FOXN3: variants seen among roughly 807,000 people sequenced by gnomAD.
FOXN3 encodes the protein forkhead box N3.
In FOXN3, 7 loss-of-function variants were observed where a neutral mutation model predicts 38.4. The ratio of observed to expected loss-of-function variants is 0.18; its 90% CI spans 0.10 to 0.34. FOXN3 has a LOEUF of 0.34. Among genes scored for constraint, FOXN3 ranks in the 10% least tolerant of loss-of-function variants. The pLI, the probability that FOXN3 is intolerant of heterozygous loss-of-function variation, is 1.00. For synonymous variants in FOXN3, 230 were observed against 242.2 expected, an observed-to-expected ratio of 0.95 and a Z score of 0.47; for missense variants, 456 against 613.4, an observed-to-expected ratio of 0.74 and a Z score of 2.71.
At chr14:89,598,849 G>C (rs189546491) in intron 1 of FOXN3, among the ~76,000 whole-genome samples, 34 of 152,030 alleles carry the variant, frequency 2.2e-4, no homozygotes, top group Non-Finnish European at 4.3e-4. Flanking sequence ...TGTTGTTCTC[G>C]TTAGCTTTGT....
At chr14:89,482,752 A>G (rs1437150648) in intron 1 of FOXN3, among the ~76,000 whole-genome samples, 1 of 149,734 alleles carries the variant, frequency 6.7e-6, no homozygotes, top group African/African-American at 2.5e-5. Flanking sequence ...CTACTAAAAA[A>G]TAAAGAAATT....
intron 1 of FOXN3, among the ~76,000 whole-genome samples, chr14:89,422,384 A>G (rs953355517): frequency 6.6e-6 from 1 of 152,244 alleles, no homozygotes; most frequent in South Asian, 2.1e-4. Flanking sequence ...CTGTGGACCC[A>G]CTTCAAGACC....
At chr14:89,243,429 G>T (rs1016546573) in intron 4 of FOXN3, among the ~76,000 whole-genome samples, 3 of 152,100 alleles carry the variant, frequency 2.0e-5, no homozygotes, top group Non-Finnish European at 4.4e-5. Flanking sequence ...ACAAACACCC[G>T]CATTGTATTA....
At chr14:89,585,129 C>A (rs1411516801) in intron 1 of FOXN3, among the ~76,000 whole-genome samples, 1 of 152,172 alleles carries the variant, frequency 6.6e-6, no homozygotes, top group Non-Finnish European at 1.5e-5. Context: ...AATGTATAAG[C>A]CCCTAGACCC....
rs796994949 is a variant in FOXN3, at chr14:89,197,832, G to A, written c.746-17026C>T. 4.6e-5 allele frequency among the ~76,000 whole-genome samples: 7 copies of A among 152,232 alleles called. No individual in the cohort carries two copies. The South Asian group carries it at 1.0e-3, about 23-fold the overall frequency. On this transcript the variant is annotated intron_variant, in intron 4 of 5. Transcript: ENST00000557258. Reference sequence around the variant, plus strand: ...GGGAATTCTGAAGTGTTTGAAAGGCGAAGAACGGCTGTCGCAGTAAATGAA... The same window carrying A: ...GGGAATTCTGAAGTGTTTGAAAGGCAAAGAACGGCTGTCGCAGTAAATGAA...
At chr14:89,614,021 G>A (rs1206051362) in intron 1 of FOXN3, among the ~76,000 whole-genome samples, 5 of 152,156 alleles carry the variant, frequency 3.3e-5, no homozygotes, top group Admixed American at 6.5e-5. Flanking sequence ...GGGGAAAACT[G>A]AGCCCGATCT....
chr14:89,367,305 C>T (rs1343052743), intron 2 of FOXN3, among the ~76,000 whole-genome samples: 1 of 152,230 alleles, frequency 6.6e-6, no homozygotes, highest in African/African-American at 2.4e-5. Context: ...CAAGCACTCA[C>T]TCCAACCATG....
At chr14:89,166,663 C>A (rs1392631056) in intron 5 of FOXN3, among the ~76,000 whole-genome samples, 1 of 152,210 alleles carries the variant, frequency 6.6e-6, no homozygotes, top group Non-Finnish European at 1.5e-5. Flanking sequence ...GGTACACAGA[C>A]ATAACTTCAG....
At chr14:89,302,492 A>G (rs1887246775) in intron 3 of FOXN3, among the ~76,000 whole-genome samples, 1 of 152,158 alleles carries the variant, frequency 6.6e-6, no homozygotes. Context: ...AAAGAGGACC[A>G]CACAATTGAA....
At chr14:89,550,460 T>C (rs1894980039) in intron 1 of FOXN3, among the ~76,000 whole-genome samples, 1 of 152,238 alleles carries the variant, frequency 6.6e-6, no homozygotes, top group African/African-American at 2.4e-5. Flanking sequence ...CACTCATTCT[T>C]TCATAGGCTG....
chr14:89,336,669 A>G (rs918254983), intron 3 of FOXN3, among the ~76,000 whole-genome samples: 11 of 152,182 alleles, frequency 7.2e-5, no homozygotes, highest in Non-Finnish European at 1.5e-4. Flanking sequence ...TGCCCAATAA[A>G]TGCTTGGTTT....
chr14:89,209,882 T>G (rs1813483415), intron 4 of FOXN3, among the ~76,000 whole-genome samples: 1 of 152,240 alleles, frequency 6.6e-6, no homozygotes, highest in African/African-American at 2.4e-5. Context: ...GATATACCAA[T>G]GCGGATGCAC....
At chr14:89,268,782 C>A (rs572545536) in intron 4 of FOXN3, among the ~76,000 whole-genome samples, 22 of 152,138 alleles carry the variant, frequency 1.4e-4, no homozygotes, top group African/African-American at 2.4e-5. Context: ...AAGAAGCTGG[C>A]ACCTCCCATT....
At chr14:89,295,263 T>C (rs1043948781) in intron 3 of FOXN3, among the ~76,000 whole-genome samples, 5 of 152,246 alleles carry the variant, frequency 3.3e-5, no homozygotes, top group African/African-American at 1.2e-4. Context: ...ACACCTTATC[T>C]GGTCACTCTC....
chr14:89,193,810 C>T (rs185254183), intron 4 of FOXN3, among the ~76,000 whole-genome samples: 12 of 152,274 alleles, frequency 7.9e-5, no homozygotes, highest in Non-Finnish European at 1.0e-4. Flanking sequence ...GGGTGTACCA[C>T]GTAGGAGAGT....
intron 1 of FOXN3, among the ~76,000 whole-genome samples, chr14:89,463,265 C>A (rs1056323039): frequency 7.4e-6 from 1 of 135,966 alleles, no homozygotes; most frequent in African/African-American, 2.5e-5. Context: ...CAGAGCAAGG[C>A]TCTGTCTCAA....
At chr14:89,519,566 A>G (rs1322633343) in intron 1 of FOXN3, among the ~76,000 whole-genome samples, 1 of 151,818 alleles carries the variant, frequency 6.6e-6, no homozygotes, top group Non-Finnish European at 1.5e-5. Flanking sequence ...TGGAGGAGAG[A>G]GTCTGGAGCC....
At chr14:89,297,625 T>C (rs185128925) in intron 3 of FOXN3, among the ~76,000 whole-genome samples, 4 of 151,808 alleles carry the variant, frequency 2.6e-5, no homozygotes, top group Admixed American at 2.0e-4. Flanking sequence ...TCTGGATATA[T>C]ACCCAAAACA....
chr14:89,229,360 A>C (rs1459276776), intron 4 of FOXN3, among the ~76,000 whole-genome samples: 1 of 152,248 alleles, frequency 6.6e-6, no homozygotes, highest in Non-Finnish European at 1.5e-5. Context: ...CCTATTGCAC[A>C]AAAGTATTTA....
Sources: allele counts gnomAD v4.1 joint callset (sites outside exome capture counted in the v4.1 genomes callset), GRCh38; gene constraint gnomAD v4.1.1; transcripts MANE v1.5; gene names NCBI Gene and HGNC (gene_info 2026-07-23, HGNC 2026-07-21).